PTPRD: variants seen among roughly 807,000 people sequenced by gnomAD.
The protein encoded by PTPRD is protein tyrosine phosphatase receptor type D, also known as receptor-type tyrosine-protein phosphatase delta.
In PTPRD, 34 loss-of-function variants were observed where a neutral mutation model predicts 214.5. The observed-to-expected ratio is 0.16, with a 90% CI of 0.12 to 0.21. The LOEUF (loss-of-function observed/expected upper bound fraction) is 0.21, where lower values mean the gene tolerates loss of function less well. Among genes scored for constraint, PTPRD ranks in the 10% least tolerant of loss-of-function variants. The pLI is 1.00. For synonymous variants in PTPRD, 1,128 were observed against 845.7 expected, an observed-to-expected ratio of 1.33 and a Z score of -5.79; for missense variants, 2,545 against 2,398.7, an observed-to-expected ratio of 1.06 and a Z score of -1.27.
intron 2 of PTPRD, among the ~76,000 whole-genome samples, chr9:10,587,587 T>C (rs562198152): frequency 6.6e-6 from 1 of 152,058 alleles, no homozygotes; most frequent in Non-Finnish European, 1.5e-5. Flanking sequence ...TCCAGATTAT[T>C]GCATTTCCTC....
intron 2 of PTPRD, among the ~76,000 whole-genome samples, chr9:10,449,328 C>T (rs1331906007): frequency 2.6e-5 from 4 of 151,958 alleles, no homozygotes; most frequent in African/African-American, 4.9e-5. Context: ...GACGGAGTCT[C>T]GCTCACTCAG....
At chr9:9,875,093 T>A (rs2066478285) in intron 5 of PTPRD, among the ~76,000 whole-genome samples, 1 of 152,142 alleles carries the variant, frequency 6.6e-6, no homozygotes, top group Non-Finnish European at 1.5e-5. Flanking sequence ...GGCTTTTTAT[T>A]GTAATTCTTA....
At chr9:10,010,341 A>G (rs1327453968) in intron 4 of PTPRD, among the ~76,000 whole-genome samples, 2 of 125,334 alleles carry the variant, frequency 1.6e-5, no homozygotes, top group African/African-American at 4.9e-5. Context: ...AATTGTTCGA[A>G]CATGTGCGTT....
intron 4 of PTPRD, among the ~76,000 whole-genome samples, chr9:9,983,537 C>G: frequency 6.6e-6 from 1 of 152,204 alleles, no homozygotes; most frequent in East Asian, 1.9e-4. Flanking sequence ...ACCAGCTACA[C>G]CGTAAGCCCT....
chr9:10,095,127 C>CAA (rs894644751), intron 3 of PTPRD, among the ~76,000 whole-genome samples: 6 of 149,408 alleles, frequency 4.0e-5, no homozygotes, highest in Admixed American at 4.0e-4. Flanking sequence ...TTTTGCTGTT[C>CAA]AAAAAAAAAT....
intron 3 of PTPRD, among the ~76,000 whole-genome samples, chr9:10,043,780 G>A (rs2097339525): frequency 1.3e-5 from 2 of 151,840 alleles, no homozygotes; most frequent in South Asian, 4.1e-4. Flanking sequence ...ATTATTTCAT[G>A]TAGGATCTAC....
chr9:10,286,743 C>T lies in PTPRD; in HGVS notation c.-545+54220G>A, dbSNP rs183834266. Among the ~76,000 whole-genome samples the T allele has an allele frequency of 1.1e-4, 16 of 152,110 alleles. No homozygotes were observed. The East Asian group carries it at 1.9e-3, about 18-fold the overall frequency. Reference sequence around the variant, plus strand: ...CATCCCAAGTAGCTGGTATTACAGGCGCCCAAGACCAAGCCCGACTAATTT... The same window carrying T: ...CATCCCAAGTAGCTGGTATTACAGGTGCCCAAGACCAAGCCCGACTAATTT... On this transcript the variant is annotated intron_variant, in intron 3 of 45. Coordinates refer to ENST00000381196, the MANE Select transcript of PTPRD (RefSeq NM_002839.4).
chr9:10,393,890 A>C (rs1401270763), intron 2 of PTPRD, among the ~76,000 whole-genome samples: 1 of 148,506 alleles, frequency 6.7e-6, no homozygotes. Context: ...GAGTGACTAA[A>C]TCCATATTGT....
chr9:8,482,702 A>G (rs897522817), intron 30 of PTPRD, among the ~76,000 whole-genome samples: 1 of 152,132 alleles, frequency 6.6e-6, no homozygotes, highest in African/African-American at 2.4e-5. Flanking sequence ...TGTCTAGAGG[A>G]TATAGTTTTC....
At chr9:8,402,350 A>C (rs915146207) in intron 36 of PTPRD, among the ~76,000 whole-genome samples, 3 of 152,228 alleles carry the variant, frequency 2.0e-5, no homozygotes, top group African/African-American at 7.2e-5. Context: ...CATCAGAATA[A>C]AGATACAAGG....
At chr9:8,981,568 G>GT (rs1345270836) in intron 11 of PTPRD, among the ~76,000 whole-genome samples, 2 of 151,934 alleles carry the variant, frequency 1.3e-5, no homozygotes, top group African/African-American at 4.8e-5. Context: ...TGGTGCAACT[G>GT]TATGTGGCAA....
intron 4 of PTPRD, among the ~76,000 whole-genome samples, chr9:9,969,318 T>G (rs2094930704): frequency 6.6e-6 from 1 of 150,808 alleles, no homozygotes; most frequent in Non-Finnish European, 1.5e-5. Flanking sequence ...CTTTAAGATC[T>G]TGTGGCCTCA....
intron 35 of PTPRD, among the ~76,000 whole-genome samples, chr9:8,424,994 C>T (rs900573558): frequency 1.3e-5 from 2 of 151,988 alleles, no homozygotes; most frequent in African/African-American, 4.8e-5. Flanking sequence ...TCTCTTAATG[C>T]TTACATCCTT....
chr9:8,630,345 T>A (rs150348790), intron 14 of PTPRD, among the ~76,000 whole-genome samples: 1 of 151,858 alleles, frequency 6.6e-6, no homozygotes, highest in African/African-American at 2.4e-5. Context: ...CTCATTTATT[T>A]AGCTATTCAT....
chr9:9,951,491 T>C (rs1021378436), intron 4 of PTPRD, among the ~76,000 whole-genome samples: 6 of 152,186 alleles, frequency 3.9e-5, no homozygotes, highest in African/African-American at 1.4e-4. Flanking sequence ...CTTGAGCGGA[T>C]AAGCATTAAG....
chr9:9,885,559 G>A (rs2070534484), intron 5 of PTPRD, among the ~76,000 whole-genome samples: 1 of 151,966 alleles, frequency 6.6e-6, no homozygotes, highest in South Asian at 2.1e-4. Flanking sequence ...ATTTTGAGAT[G>A]GGGGGACTAG....
intron 9 of PTPRD, among the ~76,000 whole-genome samples, chr9:9,289,052 C>T (rs1220639217): frequency 6.6e-6 from 1 of 151,772 alleles, no homozygotes; most frequent in Non-Finnish European, 1.5e-5. Context: ...TCTTTATTAA[C>T]AGCATGAGAA....
chr9:8,818,051 A>G (rs2096958404), intron 11 of PTPRD, among the ~76,000 whole-genome samples: 1 of 152,208 alleles, frequency 6.6e-6, no homozygotes, highest in Non-Finnish European at 1.5e-5. Flanking sequence ...GGCATTTTAG[A>G]TAGAGTTAAA....
chr9:9,309,949 A>G (rs928603672), intron 9 of PTPRD, among the ~76,000 whole-genome samples: 1 of 151,382 alleles, frequency 6.6e-6, no homozygotes. Flanking sequence ...TGGTGTGAAG[A>G]TTTTTTTTTC....
Sources: gnomAD v4.1 joint callset for allele counts (sites outside exome capture counted in the v4.1 genomes callset) on GRCh38, gnomAD v4.1.1 for gene constraint, MANE v1.5 for transcripts, NCBI Gene and HGNC (gene_info 2026-07-23, HGNC 2026-07-21) for gene names.